Variants in STPG2 observed in about 807,000 individuals in gnomAD.
STPG2 encodes the protein sperm-tail PG-rich repeat-containing protein 2.
STPG2 carries 56 observed loss-of-function variants against 54.2 expected under a neutral mutation model. The observed-to-expected ratio is 1.03, with a 90% confidence interval of 0.83 to 1.29. The LOEUF is 1.29. Among genes scored for constraint, STPG2 ranks in the 50% most tolerant of loss-of-function variants. The probability of loss-of-function intolerance (pLI) is 0.00; values close to 1 mark genes in which losing one functional copy is unlikely to be tolerated. For synonymous variants in STPG2, 200 were observed against 181.8 expected (o/e 1.10, Z -0.81); for missense variants, 596 against 544.9 (o/e 1.09, Z -0.93).
chr4:98,019,378 C>G (rs1374584678), intron 5 of STPG2, among the ~76,000 whole-genome samples: 1 of 151,858 alleles, frequency 6.6e-6, no homozygotes, highest in African/African-American at 2.4e-5. Context: ...TGATCTATAT[C>G]TCTGTTTTGT....
chr4:97,980,142 G>A (rs1734625987), intron 6 of STPG2, among the ~76,000 whole-genome samples: 1 of 152,092 alleles, frequency 6.6e-6, no homozygotes. Flanking sequence ...CTATGATCAT[G>A]CCACTGAACT....
At chr4:97,943,417 A>G (rs914275160) in intron 8 of STPG2, among the ~76,000 whole-genome samples, 2 of 152,160 alleles carry the variant, frequency 1.3e-5, no homozygotes, top group African/African-American at 4.8e-5. Flanking sequence ...ACTGTTTTCA[A>G]TTTACTCACT....
chr4:97,565,567 A>G lies in STPG2; in HGVS notation c.1321-6450T>C, dbSNP rs190384053. Reference sequence around the variant, plus strand: ...GTTTTTTCCCCGTCTTTGTGGTTTTATCTACTTTTGGTCTTTGATGATGTG... The same window carrying G: ...GTTTTTTCCCCGTCTTTGTGGTTTTGTCTACTTTTGGTCTTTGATGATGTG... On this transcript the variant is annotated intron_variant, in intron 10 of 10. Transcript: ENST00000295268. Among the ~76,000 whole-genome samples the G allele has an allele frequency of 4.1e-3, 630 of 152,048 alleles. 3 individuals are homozygous for G. Among genetic ancestry groups the G allele is most frequent in the South Asian group, 0.02 (98 of 4,812 alleles).
intron 8 of STPG2, among the ~76,000 whole-genome samples, chr4:97,868,602 G>A (rs2149150918): frequency 6.6e-6 from 1 of 151,928 alleles, no homozygotes; most frequent in South Asian, 2.1e-4. Context: ...GTTTTGGCTA[G>A]TAAATTTTGC....
At chr4:97,780,231 G>A (rs917652349) in intron 9 of STPG2, among the ~76,000 whole-genome samples, 1 of 78,104 alleles carries the variant, frequency 1.3e-5, no homozygotes, top group African/African-American at 5.1e-5. Flanking sequence ...AAGGGATGGA[G>A]GAAGATCTAT....
intron 4 of STPG2, among the ~76,000 whole-genome samples, chr4:97,545,834 A>T (rs1358769008): frequency 6.6e-6 from 1 of 152,114 alleles, no homozygotes; most frequent in Admixed American, 6.5e-5. Context: ...AATTTAAATT[A>T]CTCATACACA....
intron 10 of STPG2, among the ~76,000 whole-genome samples, chr4:97,581,435 C>T (rs974707367): frequency 5.3e-5 from 8 of 151,966 alleles, no homozygotes; most frequent in African/African-American, 1.7e-4. Context: ...TCTGTAGCTA[C>T]GGAGAACAAT....
intron 5 of STPG2, among the ~76,000 whole-genome samples, chr4:97,996,756 T>C (rs1431584317): frequency 2.0e-5 from 3 of 151,992 alleles, no homozygotes; most frequent in Admixed American, 1.3e-4. Context: ...AGCCCCCTTT[T>C]GCCTACTTTA....
intron 10 of STPG2, among the ~76,000 whole-genome samples, chr4:97,604,073 T>C (rs1213630053): frequency 6.6e-6 from 1 of 151,734 alleles, no homozygotes; most frequent in Non-Finnish European, 1.5e-5. Context: ...ATCTTTTCCA[T>C]AGTTGAAAAG....
intron 8 of STPG2, among the ~76,000 whole-genome samples, chr4:97,899,269 G>A (rs1731078334): frequency 6.6e-6 from 1 of 151,688 alleles, no homozygotes; most frequent in African/African-American, 2.4e-5. Flanking sequence ...TAACCAGAGA[G>A]GTGAAATATC....
intron 10 of STPG2, among the ~76,000 whole-genome samples, chr4:97,567,076 A>G (rs1007381518): frequency 5.3e-5 from 8 of 151,878 alleles, no homozygotes; most frequent in African/African-American, 1.7e-4. Context: ...AATGGCCCCT[A>G]AAATTTCATA....
chr4:97,801,791 C>G (rs1346903972), intron 9 of STPG2, among the ~76,000 whole-genome samples: 1 of 152,076 alleles, frequency 6.6e-6, no homozygotes, highest in African/African-American at 2.4e-5. Context: ...TTGCACTAGT[C>G]CCTTATTCAC....
intron 4 of STPG2, among the ~76,000 whole-genome samples, chr4:97,533,932 G>A (rs1394816335): frequency 6.6e-6 from 1 of 152,018 alleles, no homozygotes; most frequent in Non-Finnish European, 1.5e-5. Flanking sequence ...GACTTGAAAT[G>A]CAATTGTTAG....
chr4:98,091,112 C>A (rs1278129498), intron 5 of STPG2, among the ~76,000 whole-genome samples: 1 of 152,018 alleles, frequency 6.6e-6, no homozygotes, highest in African/African-American at 2.4e-5. Context: ...CATCCTCCCA[C>A]ATCAAATTAA....
chr4:97,594,416 T>G (rs544067597), intron 10 of STPG2, among the ~76,000 whole-genome samples: 15 of 152,272 alleles, frequency 9.9e-5, no homozygotes, highest in Non-Finnish European at 2.2e-4. Context: ...GCTCGAAGAC[T>G]GGTTCTCCAC....
chr4:97,752,517 C>T (rs1198029440), intron 9 of STPG2, among the ~76,000 whole-genome samples: 2 of 151,692 alleles, frequency 1.3e-5, no homozygotes, highest in East Asian at 1.9e-4. Flanking sequence ...AAATATTGAA[C>T]GTATCATATC....
intron 8 of STPG2, among the ~76,000 whole-genome samples, chr4:97,885,798 C>T (rs1730540786): frequency 6.6e-6 from 1 of 152,066 alleles, no homozygotes; most frequent in Non-Finnish European, 1.5e-5. Context: ...GAACCAATCC[C>T]CCATGCATAT....
At chr4:97,873,205 C>CT (rs1730053598) in intron 8 of STPG2, among the ~76,000 whole-genome samples, 1 of 150,472 alleles carries the variant, frequency 6.6e-6, no homozygotes, top group Non-Finnish European at 1.5e-5. Flanking sequence ...TCCTTCTTTC[C>CT]TTTTTTCCTT....
At chr4:98,009,000 T>C (rs558587301) in intron 5 of STPG2, among the ~76,000 whole-genome samples, 2 of 152,224 alleles carry the variant, frequency 1.3e-5, no homozygotes, top group African/African-American at 4.8e-5. Context: ...TCCTCTTTCA[T>C]TTATAATTTT....
Sources: gnomAD v4.1 joint callset for allele counts (sites outside exome capture counted in the v4.1 genomes callset) on GRCh38, gnomAD v4.1.1 for gene constraint, MANE v1.5 for transcripts, NCBI Gene and HGNC (gene_info 2026-07-23, HGNC 2026-07-21) for gene names.